Variants in CYB5A observed in about 807,000 individuals in gnomAD.
The protein encoded by CYB5A is cytochrome b5.
A neutral mutation model predicts 16.2 loss-of-function variants in CYB5A; 10 were observed. The observed-to-expected ratio is 0.62, with a 90% CI of 0.38 to 1.04. The LOEUF (loss-of-function observed/expected upper bound fraction) is 1.04. Among genes scored for constraint, CYB5A ranks in the 50% least tolerant of loss-of-function variants. CYB5A has a pLI of 0.01. For synonymous variants in CYB5A, 62 were observed against 57.0 expected, an observed-to-expected ratio of 1.09 and a Z score of -0.40; for missense variants, 161 against 165.9, an observed-to-expected ratio of 0.97 and a Z score of 0.16.
intron 1 of CYB5A, among the ~76,000 whole-genome samples, chr18:74,282,556 G>A (rs975115603): frequency 9.9e-5 from 15 of 152,232 alleles, no homozygotes; most frequent in African/African-American, 2.2e-4. Context: ...CCCTCATCGC[G>A]TGGAAAAAGC....
intron 3 of CYB5A, chr18:74,258,127 G>A (rs769638086): frequency 5.3e-5 from 8 of 151,890 alleles, no homozygotes; most frequent in East Asian, 3.9e-4. Context: ...TGTCTAACAC[G>A]GCAAGCCCAG....
intron 1 of CYB5A, among the ~76,000 whole-genome samples, chr18:74,275,471 G>C (rs1462895175): frequency 1.3e-5 from 2 of 152,096 alleles, no homozygotes; most frequent in African/African-American, 4.8e-5. Context: ...AAGGGAGCGG[G>C]ATGCAGTTAT....
chr18:74,279,995 C>T (rs1983030152), intron 1 of CYB5A, among the ~76,000 whole-genome samples: 1 of 152,074 alleles, frequency 6.6e-6, no homozygotes, highest in Non-Finnish European at 1.5e-5. Context: ...TAAATGAGTA[C>T]ATTATACCGT....
chr18:74,264,312 G>A (rs533725774), intron 1 of CYB5A, among the ~76,000 whole-genome samples: 10 of 152,110 alleles, frequency 6.6e-5, no homozygotes, highest in Admixed American at 2.6e-4. Context: ...CATGAGGCTC[G>A]TGTCCTTCAT....
chr18:74,253,510 G>T lies in CYB5A; in HGVS notation c.*74C>A. On this transcript the variant is annotated 3_prime_UTR_variant, in exon 5 of 5. Coordinates refer to ENST00000340533, the MANE Select transcript of CYB5A (RefSeq NM_148923.4). ...TTTCAAGTGAAGGTTTCTGTCAGTT[G>T]AAGTAGTTAGCAATGGCTTCTTTTC... The T allele has an allele frequency of 1.2e-6, 1 of 858,006 alleles. No homozygotes were observed. The highest frequency in any genetic ancestry group is 2.0e-6 in the Non-Finnish European group (1 of 503,972). The allele number at this position is 858,006 out of a possible 1,614,324, so 53.1% of individuals were successfully genotyped here.
chr18:74,273,534 C>T (rs1285633500), intron 1 of CYB5A, among the ~76,000 whole-genome samples: 2 of 152,214 alleles, frequency 1.3e-5, no homozygotes, highest in African/African-American at 4.8e-5. Context: ...TTCAGATAAA[C>T]ACTGCTGAGT....
At chr18:74,285,717 T>C (rs1983291403) in intron 1 of CYB5A, among the ~76,000 whole-genome samples, 1 of 151,582 alleles carries the variant, frequency 6.6e-6, no homozygotes, top group African/African-American at 2.4e-5. Flanking sequence ...AAAAATTAGC[T>C]GGGCATGGTG....
chr18:74,269,327 G>A (rs548023879), intron 1 of CYB5A, among the ~76,000 whole-genome samples: 14 of 152,032 alleles, frequency 9.2e-5, no homozygotes, highest in African/African-American at 3.1e-4. Context: ...CAACCTTCTC[G>A]GCCACCACAG....
At chr18:74,291,719 C>A in intron 1 of CYB5A, 28 bp downstream of exon 1, 2 of 1,613,388 alleles carry the variant, frequency 1.2e-6, no homozygotes, top group Non-Finnish European at 1.7e-6. Flanking sequence ...ACGCTCCCTG[C>A]GCCCCAAGCC....
rs1982169331 is a variant in CYB5A, at chr18:74,260,838, A to C, written c.288+77T>G. On this transcript the variant is annotated intron_variant, in intron 3 of 4. Transcript: ENST00000340533. ...TGTGCTGGCATCAGTCAGGTAAATAAAAACCCTCTGCCTTCAGTTTGACAA... is the reference window on the plus strand; with the variant it reads ...TGTGCTGGCATCAGTCAGGTAAATACAAACCCTCTGCCTTCAGTTTGACAA... 4 of 1,279,466 alleles carry C rather than the reference A, an allele frequency of 3.1e-6. No individual in the cohort carries two copies. The South Asian group carries it at 3.6e-5, about 11-fold the overall frequency. 79.3% of individuals were successfully genotyped at this position (1,279,466 alleles called of 1,614,324 possible).
At chr18:74,256,275 A>G (rs1009546237) in intron 3 of CYB5A, 2 of 172,450 alleles carry the variant, frequency 1.2e-5, no homozygotes, top group African/African-American at 4.8e-5. Flanking sequence ...TGCCATTTTA[A>G]GTTCTACATT....
At chr18:74,267,615 C>G (rs2145055354) in intron 1 of CYB5A, among the ~76,000 whole-genome samples, 1 of 152,100 alleles carries the variant, frequency 6.6e-6, no homozygotes, top group Middle Eastern at 3.4e-3. Context: ...TGGGGGTGGC[C>G]TGAAGAAAAG....
At chr18:74,291,024 G>A (rs1478738762) in intron 1 of CYB5A, 1 of 155,420 alleles carries the variant, frequency 6.4e-6, no homozygotes, top group South Asian at 2.0e-4. Context: ...ACTGGAAAAG[G>A]TTAATTAACA....
At chr18:74,267,173 T>TG (rs1982475566) in intron 1 of CYB5A, among the ~76,000 whole-genome samples, 1 of 152,188 alleles carries the variant, frequency 6.6e-6, no homozygotes, top group East Asian at 1.9e-4. Flanking sequence ...TTTTTTTTTT[T>TG]TGAGACGGAG....
chr18:74,276,591 A>G (rs940775836), intron 1 of CYB5A, among the ~76,000 whole-genome samples: 7 of 151,574 alleles, frequency 4.6e-5, no homozygotes, highest in Non-Finnish European at 1.0e-4. Flanking sequence ...ACTTGACTAC[A>G]AGGTTGTCAC....
chr18:74,279,706 A>G (rs1177180354), intron 1 of CYB5A, among the ~76,000 whole-genome samples: 1 of 152,138 alleles, frequency 6.6e-6, no homozygotes, highest in Non-Finnish European at 1.5e-5. Flanking sequence ...ATGTTTAATC[A>G]TAATAAACTG....
chr18:74,290,160 T>C (rs1454595324), intron 1 of CYB5A, among the ~76,000 whole-genome samples: 1 of 152,174 alleles, frequency 6.6e-6, no homozygotes, highest in Non-Finnish European at 1.5e-5. Flanking sequence ...CCCTCCTTAC[T>C]AAATGGTAAC....
At chr18:74,286,138 T>C (rs931076970) in intron 1 of CYB5A, among the ~76,000 whole-genome samples, 1 of 152,234 alleles carries the variant, frequency 6.6e-6, no homozygotes, top group East Asian at 1.9e-4. Context: ...CAAGGTGTTG[T>C]AGTAGTGAGT....
chr18:74,268,412 G>T, intron 1 of CYB5A, among the ~76,000 whole-genome samples: 1 of 152,140 alleles, frequency 6.6e-6, no homozygotes, highest in Non-Finnish European at 1.5e-5. Flanking sequence ...AGGGCCCCAG[G>T]GTAGGAGAAA....
Sources: gnomAD v4.1 joint callset for allele counts (sites outside exome capture counted in the v4.1 genomes callset) on GRCh38, gnomAD v4.1.1 for gene constraint, MANE v1.5 for transcripts, NCBI Gene and HGNC (gene_info 2026-07-23, HGNC 2026-07-21) for gene names.